MS4A15: variants seen among roughly 807,000 people sequenced by gnomAD.
MS4A15 encodes membrane-spanning 4-domains subfamily A member 15.
A neutral mutation model predicts 20.6 loss-of-function variants in MS4A15; 22 were observed. The ratio of observed to expected loss-of-function variants is 1.07; its 90% CI spans 0.76 to 1.52. The LOEUF (loss-of-function observed/expected upper bound fraction) is 1.52. MS4A15 is among the 40% of genes most tolerant of loss of function. The probability of loss-of-function intolerance (pLI) is 0.00; values close to 1 mark genes in which losing one functional copy is unlikely to be tolerated. For synonymous variants in MS4A15, 129 were observed against 129.3 expected (o/e 1.00, Z 0.02); for missense variants, 312 against 323.0 (o/e 0.97, Z 0.26).
chr11:60,769,592 A>G (rs903327250), intron 3 of MS4A15, among the ~76,000 whole-genome samples: 3 of 152,116 alleles, frequency 2.0e-5, no homozygotes, highest in African/African-American at 7.2e-5. Flanking sequence ...ACTCCGCTTG[A>G]TGCTGAAAAG....
At chr11:60,774,069 TAAG>T (rs1442035636) in intron 6 of MS4A15, 119 bp downstream of exon 6, 1 of 745,508 alleles carries the variant, frequency 1.3e-6, no homozygotes, top group Non-Finnish European at 2.3e-6. Context: ...TGGGAAGCAA[TAAG>T]AAGAGACAGC....
chr11:60,773,798 G>A (rs774030951), intron 5 of MS4A15, 39 bp from the exon 6 acceptor site: 1 of 1,574,308 alleles, frequency 6.4e-7, no homozygotes, highest in Non-Finnish European at 8.7e-7. Flanking sequence ...CCTTACTCTA[G>A]AACTCTGGGC....
intron 1 of MS4A15, among the ~76,000 whole-genome samples, 156 bp from the exon 2 acceptor site, chr11:60,763,550 C>T (rs908228284): frequency 5.3e-5 from 8 of 152,190 alleles, no homozygotes; most frequent in Admixed American, 3.9e-4. Flanking sequence ...AGACATCTTT[C>T]GCTTCTCTGA....
rs370909365 is a variant in MS4A15 at position 60,773,386 on chromosome 11, C to G, written c.406-6C>G. Reference sequence around the variant, plus strand: ...CCCTCTGCTCCTGTCTCTCTGCTCTCTGCAGGTGAGGAGCAGCCTGGGCAC... The same window carrying G: ...CCCTCTGCTCCTGTCTCTCTGCTCTGTGCAGGTGAGGAGCAGCCTGGGCAC... On this transcript the variant is annotated splice_region_variant and splice_polypyrimidine_tract_variant and intron_variant, in intron 4 of 6. Coordinates refer to ENST00000405633, the MANE Select transcript of MS4A15 (RefSeq NM_001098835.2). 243 of 1,610,864 alleles carry G rather than the reference C, an allele frequency of 1.5e-4. No homozygotes were observed. The highest frequency in any genetic ancestry group is 2.0e-4 in the Non-Finnish European group (232 of 1,178,660).
chr11:60,771,438 C>T, intron 4 of MS4A15, 91 bp downstream of exon 4: 10 of 1,580,274 alleles, frequency 6.3e-6, no homozygotes, highest in Non-Finnish European at 8.6e-6. Flanking sequence ...ACTCCTTCAG[C>T]TCATTCCCCA....
intron 1 of MS4A15, among the ~76,000 whole-genome samples, chr11:60,757,474 G>A (rs1231427598): frequency 1.3e-5 from 2 of 152,190 alleles, no homozygotes; most frequent in Non-Finnish European, 2.9e-5. Context: ...TAAAGGAGAA[G>A]GAAGAACAGG....
chr11:60,761,645 G>A (rs980482856), intron 1 of MS4A15, among the ~76,000 whole-genome samples: 4 of 152,116 alleles, frequency 2.6e-5, no homozygotes, highest in Admixed American at 6.5e-5. Flanking sequence ...ACAACTAAAA[G>A]GGAAACAAGC....
rs560406045 is a variant in MS4A15, at chr11:60,768,919, G to A, written c.348+1264G>A. On this transcript the variant is annotated intron_variant, in intron 3 of 6. Transcript: ENST00000405633. The stretch of plus-strand genomic sequence containing the variant: ...AAGAGCACAAAATCCACCAGAATGG[G>A]GTTCAGGGAGGACAAATGGCTGACA... Among the ~76,000 whole-genome samples, 6 of 152,288 alleles carry A rather than the reference G, an allele frequency of 3.9e-5. No individual in the cohort carries two copies. In the East Asian group the frequency reaches 7.7e-4, roughly 20 times the overall value.
At chr11:60,768,125 G>A (rs537648604) in intron 3 of MS4A15, among the ~76,000 whole-genome samples, 3 of 152,130 alleles carry the variant, frequency 2.0e-5, no homozygotes, top group Non-Finnish European at 4.4e-5. Flanking sequence ...CCCGGGAGGC[G>A]GAGGTTGCAG....
At chr11:60,769,964 T>C (rs934857586) in intron 3 of MS4A15, among the ~76,000 whole-genome samples, 2 of 152,182 alleles carry the variant, frequency 1.3e-5, no homozygotes, top group African/African-American at 4.8e-5. Flanking sequence ...CTCCCCAGCA[T>C]GGCAGCTGAG....
At position 60,770,614 on chromosome 11, in the gene MS4A15, A is replaced by T. The variant is rs116832287; in HGVS notation, c.349-677A>T. Among the ~76,000 whole-genome samples the T allele has an allele frequency of 4.3e-3, 655 of 151,592 alleles. 6 individuals are homozygous for T. The highest frequency in any genetic ancestry group is 0.016 in the African/African-American group (642 of 41,308). ...CTCCATCTTAGAAAATAAAATAAAA[A>T]AAAAAAAGCTCCTTGAGGGCAGAGA... On this transcript the variant is annotated intron_variant, in intron 3 of 6. Coordinates refer to ENST00000405633, the MANE Select transcript of MS4A15 (RefSeq NM_001098835.2).
chr11:60,768,675 T>C (rs992899149), intron 3 of MS4A15, among the ~76,000 whole-genome samples: 2 of 152,244 alleles, frequency 1.3e-5, no homozygotes, highest in African/African-American at 4.8e-5. Flanking sequence ...CTCATAGATC[T>C]GGCCCTGCCT....
At chr11:60,762,450 C>G (rs537834297) in intron 1 of MS4A15, among the ~76,000 whole-genome samples, 1 of 152,292 alleles carries the variant, frequency 6.6e-6, no homozygotes, top group Admixed American at 6.5e-5. Context: ...AATTCCCACT[C>G]TTAAGTGTAA....
intron 2 of MS4A15, 55 bp from the exon 3 acceptor site, chr11:60,767,478 G>T: frequency 1.4e-6 from 2 of 1,418,868 alleles, no homozygotes; most frequent in African/African-American, 1.5e-5. Context: ...CGCGGGGCCG[G>T]CAGGGGGCGG....
At chr11:60,773,509 G>T in intron 5 of MS4A15, 25 bp downstream of exon 5, 5 of 1,605,324 alleles carry the variant, frequency 3.1e-6, no homozygotes, top group Admixed American at 1.7e-5. Flanking sequence ...GGCCCTCGGG[G>T]TGGGAAAACT....
In MS4A15 at chr11:60,771,355, T is replaced by G. The variant is rs1854036680; in HGVS notation, c.405+8T>G. ...AACCACACCAGTTGCCTGGTGAGTG[T>G]GAACAGGGGGACCCAGGGGCGGGGA... On this transcript the variant is annotated splice_region_variant and intron_variant, in intron 4 of 6. Transcript: ENST00000405633. 11 of 1,613,926 alleles carry G rather than the reference T, an allele frequency of 6.8e-6. No homozygotes were observed. In the East Asian group the frequency reaches 2.5e-4, roughly 36 times the overall value.
intron 5 of MS4A15, 141 bp from the exon 6 acceptor site, chr11:60,773,696 C>T (rs1590986985): frequency 1.2e-6 from 1 of 812,332 alleles, no homozygotes. Context: ...GGGGAGGGTG[C>T]AGGACTGGCG....
intron 3 of MS4A15, among the ~76,000 whole-genome samples, chr11:60,768,050 G>A (rs1448772097): frequency 9.2e-5 from 14 of 152,070 alleles, no homozygotes; most frequent in African/African-American, 3.1e-4. Context: ...AAAATTAGCC[G>A]GGCACGGTGG....
At chr11:60,767,867 G>C (rs1001560664) in intron 3 of MS4A15, among the ~76,000 whole-genome samples, 4 of 152,154 alleles carry the variant, frequency 2.6e-5, no homozygotes, top group African/African-American at 9.7e-5. Context: ...AGGATCAAAA[G>C]CTCCCAGCAA....
Sources: gnomAD v4.1 joint callset for allele counts (sites outside exome capture counted in the v4.1 genomes callset) on GRCh38, gnomAD v4.1.1 for gene constraint, MANE v1.5 for transcripts, NCBI Gene and HGNC (gene_info 2026-07-23, HGNC 2026-07-21) for gene names.